UGT1A5: variants seen among roughly 807,000 people sequenced by gnomAD.
UGT1A5 encodes UDP glucuronosyltransferase family 1 member A5, also known as UDP-glucuronosyltransferase 1A5.
Under a neutral mutation model 40.3 loss-of-function variants are expected in UGT1A5, and 29 were observed. The observed-to-expected ratio is 0.72, with a 90% confidence interval of 0.54 to 0.98. UGT1A5 has a LOEUF of 0.98. Ranked by LOEUF, UGT1A5 falls within the 50% of genes least tolerant of loss-of-function variation. UGT1A5 has a pLI of 0.00. For synonymous variants in UGT1A5, 257 were observed against 262.5 expected, an observed-to-expected ratio of 0.98 and a Z score of 0.20; for missense variants, 678 against 677.9, an observed-to-expected ratio of 1.00 and a Z score of 0.00.
intron 1 of UGT1A5, among the ~76,000 whole-genome samples, chr2:233,733,966 G>A (rs1285977671): frequency 6.6e-6 from 1 of 152,042 alleles, no homozygotes; most frequent in Non-Finnish European, 1.5e-5. Context: ...TGGGGTAGGG[G>A]GAGCGGGGAG....
chr2:233,772,733 G>A lies in UGT1A5; in HGVS notation c.*174G>A, dbSNP rs1019873826. 7 of 1,442,156 alleles carry A rather than the reference G, an allele frequency of 4.9e-6. No homozygotes were observed. Among genetic ancestry groups the A allele is most frequent in the Non-Finnish European group, 6.4e-6 (7 of 1,099,298 alleles). The allele number at this position is 1,442,156 out of a possible 1,614,324, so 89.3% of individuals were successfully genotyped here. A position where few individuals can be genotyped will look rare whatever the true frequency, so the allele number is the denominator to read the frequency against. ...TTAAATAAAAATAATAGACTCGCTA[G>A]TCAGTAAAGATATTTGAATATGTAT... On this transcript the variant is annotated 3_prime_UTR_variant, in exon 5 of 5. Coordinates refer to ENST00000373414, the MANE Select transcript of UGT1A5 (RefSeq NM_019078.2).
intron 1 of UGT1A5, among the ~76,000 whole-genome samples, chr2:233,739,955 T>C (rs2125826386): frequency 6.6e-6 from 1 of 152,058 alleles, no homozygotes; most frequent in South Asian, 2.1e-4. Flanking sequence ...TGGTGGGAGC[T>C]GATTGAATCA....
At chr2:233,728,766 G>T (rs1264668797) in intron 1 of UGT1A5, among the ~76,000 whole-genome samples, 1 of 152,192 alleles carries the variant, frequency 6.6e-6, no homozygotes, top group East Asian at 1.9e-4. Context: ...TCAGACCTCA[G>T]CTGCTGCCTG....
chr2:233,729,371 T>C, intron 1 of UGT1A5: 2 of 1,614,096 alleles, frequency 1.2e-6, no homozygotes, highest in Non-Finnish European at 8.5e-7. Flanking sequence ...ACCTATGCCA[T>C]TTCGTGGACC....
rs764952775 is a variant in UGT1A5 at position 233,762,693 on chromosome 2, ATCTTT to A, written c.868-4336_868-4332del. Reference sequence around the variant, plus strand: ...CATTTGTTCTGTTTCTTTCTCATTCATCTTTTCTTAAGTATTTTACACGGTTTTTT... The same window carrying A: ...CATTTGTTCTGTTTCTTTCTCATTCATCTTAAGTATTTTACACGGTTTTTT... On this transcript the variant is annotated intron_variant, in intron 1 of 4. Coordinates refer to ENST00000373414, the MANE Select transcript of UGT1A5 (RefSeq NM_019078.2). Among the ~76,000 whole-genome samples, 18 of 148,206 alleles carry A rather than the reference ATCTTT, an allele frequency of 1.2e-4. No homozygotes were observed. In the East Asian group the frequency reaches 2.7e-3, roughly 23 times the overall value.
chr2:233,733,547 C>T (rs1401564261), intron 1 of UGT1A5, among the ~76,000 whole-genome samples: 1 of 152,178 alleles, frequency 6.6e-6, no homozygotes, highest in African/African-American at 2.4e-5. Context: ...AAGGCCTTTT[C>T]TGCATCTGTT....
intron 1 of UGT1A5, among the ~76,000 whole-genome samples, chr2:233,762,777 G>A (rs1698161345): frequency 6.7e-6 from 1 of 149,832 alleles, no homozygotes; most frequent in Non-Finnish European, 1.5e-5. Flanking sequence ...ATCTCTAGCT[G>A]ATTATCTACT....
At chr2:233,747,365 C>T (rs954513567) in intron 1 of UGT1A5, 1 of 1,604,254 alleles carries the variant, frequency 6.2e-7, no homozygotes, top group Non-Finnish European at 8.5e-7. Context: ...TGCGGGAGCT[C>T]CATGCCAGAG....
Position 233,713,534 on chromosome 2 carries a change from C to T in UGT1A5, c.543C>T (p.Asp181=), listed in dbSNP as rs1306966284. 1 of 1,613,828 alleles carries T rather than the reference C, an allele frequency of 6.2e-7. No homozygotes were observed. The highest frequency in any genetic ancestry group is 1.3e-5 in the African/African-American group (1 of 74,912). The stretch of plus-strand genomic sequence containing the variant: ...TGAGGAACATTCCATGTGATTTAGA[C>T]TTTAAGGGCACACAGTGTCCAAACC... The part of the protein sequence containing the change: ...FFLRNIPCDL[D]FKGTQCPNPS... The change falls in exon 1 of 5, where the codon GAC becomes GAT. Residue 181 remains aspartate, a synonymous_variant. Transcript: ENST00000373414.
At chr2:233,738,047 C>T (rs1690670574) in intron 1 of UGT1A5, among the ~76,000 whole-genome samples, 1 of 152,068 alleles carries the variant, frequency 6.6e-6, no homozygotes, top group Non-Finnish European at 1.5e-5. Flanking sequence ...GTGTTGAGGA[C>T]AGGACATGGT....
intron 1 of UGT1A5, among the ~76,000 whole-genome samples, chr2:233,763,987 G>C (rs144684818): frequency 6.6e-6 from 1 of 152,188 alleles, no homozygotes; most frequent in Non-Finnish European, 1.5e-5. Flanking sequence ...CTGGGAATGC[G>C]TGATGGTGAA....
intron 1 of UGT1A5, chr2:233,754,896 C>G: frequency 7.4e-7 from 1 of 1,350,638 alleles, no homozygotes; most frequent in Non-Finnish European, 9.9e-7. Flanking sequence ...GTTCCTCTGA[C>G]CCCCCAAAAT....
Position 233,747,423 on chromosome 2 carries a change from C to G in UGT1A5, c.868-19611C>G, listed in dbSNP as rs561242685. On this transcript the variant is annotated intron_variant, in intron 1 of 4. Transcript: ENST00000373414. ...CCCAGAGGTGAATATGCACATCAAACAAGAGAAATTTTTCACCCTGACAAC... is the reference window on the plus strand; with the variant it reads ...CCCAGAGGTGAATATGCACATCAAAGAAGAGAAATTTTTCACCCTGACAAC... 6.8e-5 allele frequency: 110 copies of G among 1,608,258 alleles called. 1 individual carries two copies. The highest frequency in any genetic ancestry group is 8.9e-5 in the East Asian group (4 of 44,854).
chr2:233,737,721 C>CT (rs1222184655), intron 1 of UGT1A5, among the ~76,000 whole-genome samples: 6 of 151,320 alleles, frequency 4.0e-5, no homozygotes, highest in Non-Finnish European at 7.4e-5. Context: ...CCAACACCTC[C>CT]TTTTTTTTTC....
intron 1 of UGT1A5, among the ~76,000 whole-genome samples, chr2:233,719,947 A>G (rs1392958474): frequency 6.6e-6 from 1 of 152,220 alleles, no homozygotes; most frequent in Admixed American, 6.5e-5. Context: ...TAAAGGCACC[A>G]TCTTCATGGT....
Position 233,767,016 on chromosome 2 carries a change from T to A in UGT1A5, c.868-18T>A, listed in dbSNP as rs182710200. ...AATATGAGAAAAAATTAACTGAAAATTTTTCTTCTGGCTCTAGGAATTTGA... is the reference window on the plus strand; with the variant it reads ...AATATGAGAAAAAATTAACTGAAAAATTTTCTTCTGGCTCTAGGAATTTGA... On this transcript the variant is annotated intron_variant, in intron 1 of 4. Transcript: ENST00000373414. 2.5e-5 allele frequency: 40 copies of A among 1,613,838 alleles called. No individual in the cohort carries two copies. The Middle Eastern group carries it at 6.6e-4, about 27-fold the overall frequency.
intron 1 of UGT1A5, among the ~76,000 whole-genome samples, chr2:233,738,477 G>C (rs971989724): frequency 6.6e-6 from 1 of 152,224 alleles, no homozygotes; most frequent in African/African-American, 2.4e-5. Context: ...GAACTTCCTG[G>C]AGACTTGTTG....
intron 1 of UGT1A5, chr2:233,744,007 G>A: frequency 8.6e-7 from 1 of 1,163,688 alleles, no homozygotes; most frequent in Non-Finnish European, 1.1e-6. Flanking sequence ...TCGGAGACCT[G>A]GGCCGCCTGG....
chr2:233,713,920 T>C (rs1335071739), intron 1 of UGT1A5, 62 bp downstream of exon 1: 4 of 1,612,180 alleles, frequency 2.5e-6, no homozygotes. Context: ...AAAAATGTAT[T>C]TACTTACAAG....
Sources: gnomAD v4.1 joint callset for allele counts (sites outside exome capture counted in the v4.1 genomes callset) on GRCh38, gnomAD v4.1.1 for gene constraint, MANE v1.5 for transcripts, NCBI Gene and HGNC (gene_info 2026-07-23, HGNC 2026-07-21) for gene names.